Variants in TMEM237 observed in about 807,000 individuals in gnomAD.
The protein encoded by TMEM237 is amyotrophic lateral sclerosis 2 (juvenile) chromosome region, candidate 4.
Under a neutral mutation model 59.1 loss-of-function variants are expected in TMEM237, and 51 were observed. The ratio of observed to expected loss-of-function variants is 0.86; its 90% CI spans 0.69 to 1.09. The LOEUF (loss-of-function observed/expected upper bound fraction) is 1.09. Ranked by LOEUF, TMEM237 falls within the 50% of genes least tolerant of loss-of-function variation. The pLI, the probability that TMEM237 is intolerant of heterozygous loss-of-function variation, is 0.00. For synonymous variants in TMEM237, 140 were observed against 166.1 expected (o/e 0.84, Z 1.21); for missense variants, 475 against 478.3 (o/e 0.99, Z 0.06).
chr2:201,623,237 C>T lies in TMEM237; in HGVS notation c.*1018G>A, dbSNP rs959420488. On this transcript the variant is annotated 3_prime_UTR_variant, in exon 13 of 13. Transcript: ENST00000409883. ...CAGGCTCAATAGTTTTATTGATGTG[C>T]TCAACAGCCTTTGAAACATTTTTTC... is the stretch of plus-strand genomic sequence containing the variant. The T allele has an allele frequency of 2.5e-5, 11 of 437,782 alleles. No individual in the cohort carries two copies. Among genetic ancestry groups the T allele is most frequent in the Non-Finnish European group, 5.1e-5 (11 of 216,840 alleles). 27.1% of individuals were successfully genotyped at this position (437,782 alleles called of 1,614,324 possible).
At chr2:201,633,017 C>T (rs943938838) in intron 6 of TMEM237, among the ~76,000 whole-genome samples, 37 of 151,902 alleles carry the variant, frequency 2.4e-4, no homozygotes, top group African/African-American at 8.0e-4. Flanking sequence ...TTTTAAATAT[C>T]CTTAATGTTT....
chr2:201,628,292 A>C, intron 9 of TMEM237, 143 bp from the exon 10 acceptor site: 1 of 507,098 alleles, frequency 2.0e-6, no homozygotes, highest in Non-Finnish European at 3.6e-6. Context: ...GTGTATACTT[A>C]ACACGCATGA....
At position 201,635,329 on chromosome 2, in the gene TMEM237, C is replaced by T. The variant is rs1687276184; in HGVS notation, c.274+1419G>A. On this transcript the variant is annotated intron_variant, in intron 5 of 12. Transcript: ENST00000409883. The surrounding 1 kb of genome is among the most constrained non-coding windows in gnomAD (Gnocchi z 4.5). Reference sequence around the variant, plus strand: ...AGGTCATGCTAGATTGGAATGGGCCCTAAATCCAACAACTGATATCCTTAT... The same window carrying T: ...AGGTCATGCTAGATTGGAATGGGCCTTAAATCCAACAACTGATATCCTTAT... 6.6e-6 allele frequency among the ~76,000 whole-genome samples: 1 copy of T among 152,126 alleles called. No homozygotes were observed. Among genetic ancestry groups the T allele is most frequent in the African/African-American group, 2.4e-5 (1 of 41,406 alleles).
chr2:201,642,730 C>CAATG, intron 1 of TMEM237: 1 of 1,527,478 alleles, frequency 6.5e-7, no homozygotes, highest in East Asian at 2.6e-5. Flanking sequence ...TCGGGCCGCG[C>CAATG]CGCCTGGCTA....
At chr2:201,637,069 G>T (rs1213851186) in intron 4 of TMEM237, among the ~76,000 whole-genome samples, 184 bp from the exon 5 acceptor site, 1 of 152,010 alleles carries the variant, frequency 6.6e-6, no homozygotes, top group Non-Finnish European at 1.5e-5. Context: ...GTTAGGAAAA[G>T]AAATAAATGA....
chr2:201,636,633 C>A, intron 5 of TMEM237, 115 bp downstream of exon 5: 1 of 1,248,528 alleles, frequency 8.0e-7, no homozygotes, highest in South Asian at 1.4e-5. Context: ...AACATAAAAG[C>A]AAGAAACCAC....
At position 201,623,424 on chromosome 2, in the gene TMEM237, C is replaced by G. The variant is rs987547155; in HGVS notation, c.*831G>C. On this transcript the variant is annotated 3_prime_UTR_variant, in exon 13 of 13. Coordinates refer to ENST00000409883, the MANE Select transcript of TMEM237 (RefSeq NM_001044385.3). ...ACCTCTCTGACAAAGAGCTGGAGAA[C>G]AGAGATGGTGAATTTCTACTCCTAT... The G allele has an allele frequency of 1.2e-5, 2 of 166,532 alleles. No homozygotes were observed. The highest frequency in any genetic ancestry group is 4.7e-5 in the African/African-American group (2 of 42,290). The allele number at this position is 166,532 out of a possible 1,614,324, so 10.3% of individuals were successfully genotyped here. A position where few individuals can be genotyped will look rare whatever the true frequency, so the allele number is the denominator to read the frequency against.
At position 201,643,235 on chromosome 2, in the gene TMEM237, C is replaced by G; in HGVS notation, c.42+124G>C. ...TGGAGGGGCGGATGCGCGCACCCCA[C>G]GAGCAAGGCCCTCCCTTAGTGATTC... On this transcript the variant is annotated intron_variant, in intron 1 of 12. Transcript: ENST00000409883. This position sits in a 1 kb window ranked among gnomAD's most constrained non-coding sequence, Gnocchi z 4.3. 13 of 1,116,370 alleles carry G rather than the reference C, an allele frequency of 1.2e-5. No homozygotes were observed. In the South Asian group the frequency reaches 1.5e-4, roughly 13 times the overall value. The allele number at this position is 1,116,370 out of a possible 1,614,324, so 69.2% of individuals were successfully genotyped here. A position where few individuals can be genotyped will look rare whatever the true frequency, so the allele number is the denominator to read the frequency against.
rs112150801 is a variant in TMEM237, at chr2:201,635,501, C to T, written c.274+1247G>A. ...AAATGGCCAGGCGCGGTGGCTCACACCTGTAATCCCAGCACTTTGGGAGGC... is the reference window on the plus strand; with the variant it reads ...AAATGGCCAGGCGCGGTGGCTCACATCTGTAATCCCAGCACTTTGGGAGGC... On this transcript the variant is annotated intron_variant, in intron 5 of 12. Coordinates refer to ENST00000409883, the MANE Select transcript of TMEM237 (RefSeq NM_001044385.3). The surrounding 1 kb of genome is among the most constrained non-coding windows in gnomAD (Gnocchi z 4.5). Among the ~76,000 whole-genome samples the T allele has an allele frequency of 6.6e-6, 1 of 152,204 alleles. No homozygotes were observed. Among genetic ancestry groups the T allele is most frequent in the Non-Finnish European group, 1.5e-5 (1 of 68,042 alleles).
At chr2:201,634,787 AT>A (rs1687262808) in intron 5 of TMEM237, 1 of 345,252 alleles carries the variant, frequency 2.9e-6, no homozygotes, top group African/African-American at 2.2e-5. Context: ...GCACTGTGGC[AT>A]CCCACTTCAA....
In TMEM237 at chr2:201,624,150, CA is replaced by C. The variant is rs1040389015; in HGVS notation, c.*104del. ...GAGAGATGTTTCAGTATTATATAAT[CA>C]AAAAATCTATTACAAATACACATGT... On this transcript the variant is annotated 3_prime_UTR_variant, in exon 13 of 13. Coordinates refer to ENST00000409883, the MANE Select transcript of TMEM237 (RefSeq NM_001044385.3). 3 of 725,162 alleles carry C rather than the reference CA, an allele frequency of 4.1e-6. No individual in the cohort carries two copies. The highest frequency in any genetic ancestry group is 6.5e-6 in the Non-Finnish European group (3 of 463,894). The allele number at this position is 725,162 out of a possible 1,614,324, so 44.9% of individuals were successfully genotyped here. A position where few individuals can be genotyped will look rare whatever the true frequency, so the allele number is the denominator to read the frequency against.
In TMEM237 at chr2:201,629,615, C is replaced by A. The variant is rs886360148; in HGVS notation, c.677+114G>T. On this transcript the variant is annotated intron_variant, in intron 8 of 12. Transcript: ENST00000409883. ...ATGTTTAAAAAATATACCTACCTAC[C>A]ATTTTAAGTTGTGATTTCATTAATA... The A allele has an allele frequency of 2.8e-6, 4 of 1,422,976 alleles. No individual in the cohort carries two copies. In the African/African-American group the frequency reaches 4.3e-5, roughly 15 times the overall value. 88.1% of individuals were successfully genotyped at this position (1,422,976 alleles called of 1,614,324 possible).
In TMEM237 at chr2:201,621,124, A is replaced by T. The variant is rs1016943095; in HGVS notation, c.*3131T>A. On this transcript the variant is annotated 3_prime_UTR_variant, in exon 13 of 13. Coordinates refer to ENST00000409883, the MANE Select transcript of TMEM237 (RefSeq NM_001044385.3). ...TACACAGCATCACAGATGAAGTCAT[A>T]TTTTTTTAAAAAATCTAATCAAACC... 2.6e-5 allele frequency: 4 copies of T among 152,188 alleles called. No individual in the cohort carries two copies. Among genetic ancestry groups the T allele is most frequent in the African/African-American group, 9.7e-5 (4 of 41,446 alleles). 9.4% of individuals were successfully genotyped at this position (152,188 alleles called of 1,614,324 possible).
intron 7 of TMEM237, among the ~76,000 whole-genome samples, chr2:201,631,827 T>C (rs139932086): frequency 5.7e-4 from 87 of 152,320 alleles, no homozygotes; most frequent in African/African-American, 2.0e-3. Flanking sequence ...AAGAACATTA[T>C]TATATAGATA....
rs1320990632 is a variant in TMEM237, at chr2:201,628,105, G to T, written c.914C>A (p.Ala305Asp). ...KISVAIRNFL[A>D]LDPTALASFL... The stretch of plus-strand genomic sequence containing the variant: ...AGATGCTAAAGCTGTAGGATCCAGG[G>T]CCAAAAAATTTCGGATTGCTACTGA... Residue 305 changes from alanine (A) to aspartate (D), a missense_variant, in exon 10 of 13, where the codon GCC becomes GAC. Physicochemically the swap from Ala to Asp is moderately radical, Grantham distance 126 (BLOSUM62 -2). Coordinates refer to ENST00000409883, the MANE Select transcript of TMEM237 (RefSeq NM_001044385.3). The T allele has an allele frequency of 4.4e-6, 7 of 1,607,830 alleles. No individual in the cohort carries two copies. In the South Asian group the frequency reaches 7.8e-5, roughly 18 times the overall value.
chr2:201,636,069 T>A (rs1302064631), intron 5 of TMEM237: 1 of 152,272 alleles, frequency 6.6e-6, no homozygotes, highest in Non-Finnish European at 1.5e-5. Flanking sequence ...AATGGGTACC[T>A]GGTTCCTATT....
Position 201,643,287 on chromosome 2 carries a change from C to T in TMEM237, c.42+72G>A. 7.1e-7 allele frequency: 1 copy of T among 1,407,002 alleles called. No homozygotes were observed. Among genetic ancestry groups the T allele is most frequent in the South Asian group, 1.3e-5 (1 of 79,676 alleles). 87.2% of individuals were successfully genotyped at this position (1,407,002 alleles called of 1,614,324 possible). On this transcript the variant is annotated intron_variant, in intron 1 of 12. Transcript: ENST00000409883. This position sits in a 1 kb window ranked among gnomAD's most constrained non-coding sequence, Gnocchi z 4.3. Reference sequence around the variant, plus strand: ...CAGCTCGTTGGCGCCCCCCCACACACACCCACCCCCACTGCCAAGTGTAGC... The same window carrying T: ...CAGCTCGTTGGCGCCCCCCCACACATACCCACCCCCACTGCCAAGTGTAGC...
chr2:201,641,711 T>C (rs948450695), intron 1 of TMEM237, among the ~76,000 whole-genome samples: 8 of 129,292 alleles, frequency 6.2e-5, no homozygotes, highest in Non-Finnish European at 1.0e-4. Flanking sequence ...TGTGTGCATA[T>C]ATATATATAT....
chr2:201,627,791 C>A (rs969183227), intron 10 of TMEM237, among the ~76,000 whole-genome samples: 5 of 151,990 alleles, frequency 3.3e-5, no homozygotes, highest in African/African-American at 1.2e-4. Flanking sequence ...AGGCCATACC[C>A]GCTGAATCTG....
Sources: gnomAD v4.1 joint callset for allele counts (sites outside exome capture counted in the v4.1 genomes callset) on GRCh38, gnomAD v4.1.1 for gene constraint, Gnocchi (gnomAD v3.1) non-coding constraint, MANE v1.5 for transcripts, NCBI Gene and HGNC (gene_info 2026-07-23, HGNC 2026-07-21) for gene names.